FNBP1: variants seen among roughly 807,000 people sequenced by gnomAD.
FNBP1 encodes formin-binding protein 1.
Under a neutral mutation model 90.6 loss-of-function variants are expected in FNBP1, and 26 were observed. The observed-to-expected ratio is 0.29, with a 90% CI of 0.21 to 0.40. The LOEUF (loss-of-function observed/expected upper bound fraction) is 0.40. FNBP1 is among the 10% of genes least tolerant of loss of function. The probability of loss-of-function intolerance (pLI) is 1.00; values close to 1 mark genes in which losing one functional copy is unlikely to be tolerated. For synonymous variants in FNBP1, 260 were observed against 265.2 expected, an observed-to-expected ratio of 0.98 and a Z score of 0.19; for missense variants, 635 against 768.0, an observed-to-expected ratio of 0.83 and a Z score of 2.05.
intron 1 of FNBP1, among the ~76,000 whole-genome samples, chr9:130,040,666 T>C (rs922258045): frequency 1.3e-5 from 2 of 151,906 alleles, no homozygotes; most frequent in Admixed American, 6.6e-5. Context: ...AAACTCCTCA[T>C]TGCCATACAC....
At chr9:130,024,696 G>C in intron 1 of FNBP1, among the ~76,000 whole-genome samples, 1 of 152,142 alleles carries the variant, frequency 6.6e-6, no homozygotes, top group East Asian at 1.9e-4. Context: ...AGGAAAGTGA[G>C]AAAGTGAAGG....
chr9:129,901,777 T>G (rs1415432816), intron 13 of FNBP1, among the ~76,000 whole-genome samples: 1 of 152,006 alleles, frequency 6.6e-6, no homozygotes, highest in African/African-American at 2.4e-5. Context: ...CCGGGTGTGG[T>G]GGTACACACC....
At chr9:129,954,942 C>T (rs766259034) in intron 6 of FNBP1, among the ~76,000 whole-genome samples, 13 of 151,608 alleles carry the variant, frequency 8.6e-5, no homozygotes, top group Non-Finnish European at 1.6e-4. Context: ...TGCAATGAAC[C>T]GAGATTGCGC....
intron 1 of FNBP1, among the ~76,000 whole-genome samples, chr9:130,004,443 G>A (rs891081216): frequency 6.6e-6 from 1 of 152,158 alleles, no homozygotes; most frequent in African/African-American, 2.4e-5. Context: ...TTCACCCAGT[G>A]AAGGGAATGA....
chr9:129,930,807 T>G (rs1273431193), intron 6 of FNBP1, among the ~76,000 whole-genome samples: 2 of 152,146 alleles, frequency 1.3e-5, no homozygotes, highest in African/African-American at 4.8e-5. Flanking sequence ...CTTGTGAATC[T>G]CTAACACAAT....
chr9:129,961,837 C>T (rs1366481895), intron 4 of FNBP1, among the ~76,000 whole-genome samples: 11 of 152,276 alleles, frequency 7.2e-5, no homozygotes, highest in East Asian at 3.9e-4. Context: ...CCGCTTGCCT[C>T]GGCCTCCCAA....
chr9:130,050,815 T>G, the FNBP1 span, among the ~76,000 whole-genome samples: 40 of 29,988 alleles, frequency 1.3e-3, no homozygotes, highest in East Asian at 2.5e-3. Flanking sequence ...AATTTTTGTG[T>G]TTTTTTTTTG....
At chr9:129,922,307 C>G (rs537602638) in intron 10 of FNBP1, among the ~76,000 whole-genome samples, 3 of 152,212 alleles carry the variant, frequency 2.0e-5, no homozygotes, top group African/African-American at 7.2e-5. Flanking sequence ...TCCATTATCT[C>G]TATGATGTAA....
At chr9:129,976,976 G>A (rs1258659148) in intron 4 of FNBP1, among the ~76,000 whole-genome samples, 7 of 151,986 alleles carry the variant, frequency 4.6e-5, no homozygotes, top group East Asian at 1.9e-4. Flanking sequence ...AGACCAGCCC[G>A]ACCAATATGG....
At chr9:130,004,613 C>T (rs1376955658) in intron 1 of FNBP1, among the ~76,000 whole-genome samples, 1 of 152,178 alleles carries the variant, frequency 6.6e-6, no homozygotes, top group Non-Finnish European at 1.5e-5. Context: ...GATTATGTTA[C>T]TAGCATTAGC....
chr9:130,004,958 T>G (rs1319741973), intron 1 of FNBP1, among the ~76,000 whole-genome samples: 1 of 149,070 alleles, frequency 6.7e-6, no homozygotes, highest in African/African-American at 2.5e-5. Flanking sequence ...CCCAGCTACT[T>G]GGGAGGCTGA....
chr9:129,965,759 TGAAGGAAGG>T (rs1564453230), intron 4 of FNBP1, among the ~76,000 whole-genome samples: 3 of 82,888 alleles, frequency 3.6e-5, no homozygotes, highest in Non-Finnish European at 6.9e-5. Context: ...GGGAAGGAAG[TGAAGGAAGG>T]GAGGGAAGGG....
chr9:130,002,718 A>G (rs1397576517), intron 1 of FNBP1, among the ~76,000 whole-genome samples: 1 of 152,170 alleles, frequency 6.6e-6, no homozygotes, highest in Non-Finnish European at 1.5e-5. Context: ...TGTAAGCACC[A>G]CTGAACAGAC....
At chr9:129,908,863 T>G in intron 12 of FNBP1, 27 bp downstream of exon 12, 1 of 1,500,402 alleles carries the variant, frequency 6.7e-7, no homozygotes, top group Non-Finnish European at 9.2e-7. Context: ...CTTGAATTTC[T>G]TAATAAGTCA....
chr9:129,933,184 A>G (rs1236384298), intron 6 of FNBP1, among the ~76,000 whole-genome samples: 1 of 152,208 alleles, frequency 6.6e-6, no homozygotes, highest in Admixed American at 6.5e-5. Context: ...GCATCACATC[A>G]GAATGCCATC....
chr9:129,973,603 C>A (rs1329370848), intron 4 of FNBP1, among the ~76,000 whole-genome samples: 2 of 151,648 alleles, frequency 1.3e-5, no homozygotes, highest in Admixed American at 1.3e-4. Flanking sequence ...TGGGTTCACG[C>A]CATTCTCCTG....
chr9:129,906,434 T>C (rs572337273), intron 12 of FNBP1, among the ~76,000 whole-genome samples: 1 of 152,222 alleles, frequency 6.6e-6, no homozygotes, highest in African/African-American at 2.4e-5. Context: ...TGGGAAGTAA[T>C]TGAATCATGG....
At chr9:129,907,449 G>A (rs931582250) in intron 12 of FNBP1, among the ~76,000 whole-genome samples, 2 of 152,172 alleles carry the variant, frequency 1.3e-5, no homozygotes, top group Non-Finnish European at 2.9e-5. Flanking sequence ...GGTATCTGGA[G>A]TGCTTGGTAT....
At chr9:129,909,558 TAAAAAA>T (rs1255804197) in intron 11 of FNBP1, among the ~76,000 whole-genome samples, 1 of 145,950 alleles carries the variant, frequency 6.9e-6, no homozygotes, top group African/African-American at 2.5e-5. Flanking sequence ...AAAAGAACAT[TAAAAAA>T]AAAAAATCTC....
Sources: gnomAD v4.1 joint callset for allele counts (sites outside exome capture counted in the v4.1 genomes callset) on GRCh38, gnomAD v4.1.1 for gene constraint, MANE v1.5 for transcripts, NCBI Gene and HGNC (gene_info 2026-07-23, HGNC 2026-07-21) for gene names.